SIPA1L1: variants seen among roughly 807,000 people sequenced by gnomAD.
SIPA1L1 encodes the protein signal induced proliferation associated 1 like 1.
Under a neutral mutation model 162.7 loss-of-function variants are expected in SIPA1L1, and 26 were observed. The ratio of observed to expected loss-of-function variants is 0.16; its 90% CI spans 0.12 to 0.22. The LOEUF is 0.22. Among genes scored for constraint, SIPA1L1 ranks in the 10% least tolerant of loss-of-function variants. The pLI, the probability that SIPA1L1 is intolerant of heterozygous loss-of-function variation, is 1.00. For synonymous variants in SIPA1L1, 829 were observed against 837.4 expected, an observed-to-expected ratio of 0.99 and a Z score of 0.17; for missense variants, 1,874 against 2,241.0, an observed-to-expected ratio of 0.84 and a Z score of 3.31.
intron 19 of SIPA1L1, among the ~76,000 whole-genome samples, chr14:71,727,743 C>T (rs1270265605): frequency 6.6e-6 from 1 of 152,246 alleles, no homozygotes; most frequent in African/African-American, 2.4e-5. Context: ...CCAGGTACAA[C>T]CTGCAAGGCA....
intron 2 of SIPA1L1, among the ~76,000 whole-genome samples, chr14:71,399,511 C>A (rs936586251): frequency 6.6e-6 from 1 of 152,070 alleles, no homozygotes; most frequent in East Asian, 1.9e-4. Context: ...CTTAAGCAAT[C>A]CTGACATCTT....
chr14:71,515,905 G>A (rs1056539576), intron 3 of SIPA1L1, among the ~76,000 whole-genome samples: 1 of 152,164 alleles, frequency 6.6e-6, no homozygotes, highest in Non-Finnish European at 1.5e-5. Flanking sequence ...GCCTCCCAGA[G>A]TTCTGGGATT....
chr14:71,677,165 T>C lies in SIPA1L1; in HGVS notation c.3104+4543T>C, dbSNP rs1318712847. 2.0e-5 allele frequency among the ~76,000 whole-genome samples: 3 copies of C among 152,352 alleles called. No homozygotes were observed. In the East Asian group the frequency reaches 5.8e-4, roughly 29 times the overall value. Reference sequence around the variant, plus strand: ...TTCCTCATTTTTTAATGATCGCCATTCTAACTGGTGTGAGATGGTATTTCA... The same window carrying C: ...TTCCTCATTTTTTAATGATCGCCATCCTAACTGGTGTGAGATGGTATTTCA... On this transcript the variant is annotated intron_variant, in intron 12 of 23. Transcript: ENST00000381232.
intron 10 of SIPA1L1, among the ~76,000 whole-genome samples, chr14:71,663,745 A>G (rs1366960589): frequency 6.6e-6 from 1 of 152,138 alleles, no homozygotes; most frequent in African/African-American, 2.4e-5. Flanking sequence ...GAACCCCATC[A>G]TTTAATGCTA....
chr14:71,356,565 T>TAAAAAAAAAA (rs1394904078), intron 2 of SIPA1L1, among the ~76,000 whole-genome samples: 1 of 2,914 alleles, frequency 3.4e-4, no homozygotes, highest in South Asian at 4.3e-3. Context: ...ACCTTGTCTC[T>TAAAAAAAAAA]ACAAAAAAAA....
At chr14:71,642,895 A>C (rs2041849373) in intron 7 of SIPA1L1, among the ~76,000 whole-genome samples, 1 of 152,062 alleles carries the variant, frequency 6.6e-6, no homozygotes, top group African/African-American at 2.4e-5. Context: ...ACTGGACAGA[A>C]TTAACAGCAG....
chr14:71,575,223 ATACT>A (rs1567229171), intron 4 of SIPA1L1: 3 of 152,090 alleles, frequency 2.0e-5, no homozygotes, highest in Admixed American at 1.3e-4. Flanking sequence ...GGCTCTGTAA[ATACT>A]TAAGTTGCTG....
In SIPA1L1 at chr14:71,735,783, G is replaced by T. The variant is rs192707138; in HGVS notation, c.5123+392G>T. ...TCATGCTTATACATGCGCTTGCTGA[G>T]TCCTAGTGGCTCCCAGTGTGCTGCT... On this transcript the variant is annotated intron_variant, in intron 22 of 23. Coordinates refer to ENST00000381232, the MANE Select transcript of SIPA1L1 (RefSeq NM_001386936.1). 7.2e-5 allele frequency among the ~76,000 whole-genome samples: 11 copies of T among 152,252 alleles called. No homozygotes were observed. The East Asian group carries it at 1.7e-3, about 24-fold the overall frequency.
intron 8 of SIPA1L1, among the ~76,000 whole-genome samples, chr14:71,652,163 A>G (rs1186678016): frequency 1.3e-5 from 2 of 152,192 alleles, no homozygotes; most frequent in Non-Finnish European, 2.9e-5. Flanking sequence ...GACAGTACGC[A>G]AAATCATCTC....
intron 19 of SIPA1L1, among the ~76,000 whole-genome samples, chr14:71,729,845 G>A (rs1330866314): frequency 6.6e-6 from 1 of 152,232 alleles, no homozygotes; most frequent in African/African-American, 2.4e-5. Flanking sequence ...AGCACTGATA[G>A]ACTGCAGGCA....
chr14:71,695,702 C>A (rs1444499868), intron 13 of SIPA1L1, among the ~76,000 whole-genome samples: 1 of 152,220 alleles, frequency 6.6e-6, no homozygotes, highest in African/African-American at 2.4e-5. Flanking sequence ...GGTTAACATT[C>A]CACTGCTGTC....
chr14:71,664,191 C>T (rs2043794749), intron 10 of SIPA1L1, among the ~76,000 whole-genome samples: 1 of 152,078 alleles, frequency 6.6e-6, no homozygotes, highest in South Asian at 2.1e-4. Context: ...TCAGATAAAA[C>T]ATGGGTCTTC....
intron 4 of SIPA1L1, chr14:71,573,529 G>A: frequency 2.2e-6 from 1 of 456,588 alleles, no homozygotes; most frequent in Non-Finnish European, 4.4e-6. Flanking sequence ...AAGAGTGGAT[G>A]TCTACAGCTG....
At chr14:71,510,934 A>G (rs1189742794) in intron 2 of SIPA1L1, among the ~76,000 whole-genome samples, 1 of 152,032 alleles carries the variant, frequency 6.6e-6, no homozygotes, top group African/African-American at 2.4e-5. Flanking sequence ...CCCAGATCCC[A>G]CATCAGAACT....
intron 5 of SIPA1L1, among the ~76,000 whole-genome samples, chr14:71,590,044 A>ATATATAT (rs1358959562): frequency 1.7e-5 from 1 of 59,586 alleles, no homozygotes; most frequent in Non-Finnish European, 2.9e-5. Context: ...AAAAAAAAAA[A>ATATATAT]ATATATATAT....
intron 2 of SIPA1L1, among the ~76,000 whole-genome samples, chr14:71,428,785 T>A (rs981554789): frequency 1.1e-4 from 16 of 152,364 alleles, no homozygotes; most frequent in African/African-American, 3.8e-4. Flanking sequence ...GGGTCCTTTT[T>A]GCCCATCCTG....
chr14:71,517,354 G>A (rs984193200), intron 3 of SIPA1L1, among the ~76,000 whole-genome samples: 14 of 152,104 alleles, frequency 9.2e-5, no homozygotes, highest in Non-Finnish European at 1.0e-4. Flanking sequence ...CATAGGTACT[G>A]AGGGACATTG....
chr14:71,482,203 A>C (rs1166800715), intron 2 of SIPA1L1, among the ~76,000 whole-genome samples: 1 of 152,204 alleles, frequency 6.6e-6, no homozygotes, highest in Non-Finnish European at 1.5e-5. Flanking sequence ...AAGCAGGCAC[A>C]GAGAGTAGGT....
chr14:71,607,858 G>C (rs1349481130), intron 5 of SIPA1L1, among the ~76,000 whole-genome samples: 1 of 152,126 alleles, frequency 6.6e-6, no homozygotes, highest in African/African-American at 2.4e-5. Flanking sequence ...ATTCCAGTGA[G>C]TTTCTGTGCT....
Sources: allele counts gnomAD v4.1 joint callset (sites outside exome capture counted in the v4.1 genomes callset), GRCh38; gene constraint gnomAD v4.1.1; transcripts MANE v1.5; gene names NCBI Gene and HGNC (gene_info 2026-07-23, HGNC 2026-07-21).